ELOVL5: variants seen among roughly 807,000 people sequenced by gnomAD.
The protein encoded by ELOVL5 is ELOVL fatty acid elongase 5, also known as very long chain fatty acid elongase 5.
Under a neutral mutation model 38.6 loss-of-function variants are expected in ELOVL5, and 8 were observed. That is an observed-to-expected ratio of 0.21 (90% CI 0.12 to 0.37). The LOEUF (loss-of-function observed/expected upper bound fraction) is 0.37, where lower values mean the gene tolerates loss of function less well. ELOVL5 is among the 10% of genes least tolerant of loss of function. The pLI, the probability that ELOVL5 is intolerant of heterozygous loss-of-function variation, is 1.00. For missense variants in ELOVL5, 280 were observed against 367.8 expected (o/e 0.76, Z 1.95); for synonymous variants, 127 against 133.7 (o/e 0.95, Z 0.34).
At chr6:53,286,681 T>C (rs1766582108) in intron 3 of ELOVL5, among the ~76,000 whole-genome samples, 1 of 152,198 alleles carries the variant, frequency 6.6e-6, no homozygotes, top group Non-Finnish European at 1.5e-5. Context: ...AAAATGAATT[T>C]CTAATTAACT....
intron 1 of ELOVL5, among the ~76,000 whole-genome samples, chr6:53,334,822 C>T (rs568996351): frequency 6.6e-6 from 1 of 152,276 alleles, no homozygotes; most frequent in Non-Finnish European, 1.5e-5. Context: ...AGGAATCCAG[C>T]CCCCAAAGCA....
chr6:53,317,113 A>G (rs1270624988), intron 1 of ELOVL5, among the ~76,000 whole-genome samples: 3 of 152,214 alleles, frequency 2.0e-5, no homozygotes, highest in Admixed American at 2.0e-4. Context: ...TGCTGTCCTA[A>G]GAAAACATTA....
At chr6:53,322,828 C>T (rs1469874914) in intron 1 of ELOVL5, among the ~76,000 whole-genome samples, 1 of 152,202 alleles carries the variant, frequency 6.6e-6, no homozygotes, top group Non-Finnish European at 1.5e-5. Context: ...ACAAAGCTTG[C>T]ATCATTACAG....
intron 3 of ELOVL5, chr6:53,277,725 T>C (rs1174013120): frequency 1.3e-5 from 2 of 152,270 alleles, no homozygotes; most frequent in African/African-American, 2.4e-5. Context: ...GCAGGATCCA[T>C]GCAGGCTGAT....
intron 1 of ELOVL5, among the ~76,000 whole-genome samples, chr6:53,301,266 C>T (rs960868258): frequency 6.6e-6 from 1 of 152,164 alleles, no homozygotes; most frequent in Non-Finnish European, 1.5e-5. Context: ...CATAACTTCT[C>T]AATAACCCGA....
chr6:53,299,103 T>C (rs955898175), intron 1 of ELOVL5, among the ~76,000 whole-genome samples: 3 of 152,094 alleles, frequency 2.0e-5, no homozygotes, highest in African/African-American at 4.8e-5. Context: ...GAGACATTCA[T>C]AATGGGGAAA....
At chr6:53,287,906 A>T in intron 3 of ELOVL5, 1 of 1,535,716 alleles carries the variant, frequency 6.5e-7, no homozygotes, top group African/African-American at 1.4e-5. Context: ...TCAGTTCGTG[A>T]GGCACAGGCA....
At chr6:53,314,222 T>A (rs1377294895) in intron 1 of ELOVL5, among the ~76,000 whole-genome samples, 1 of 152,220 alleles carries the variant, frequency 6.6e-6, no homozygotes, top group African/African-American at 2.4e-5. Context: ...CTGGCTAATA[T>A]GATTTTTCCT....
chr6:53,295,205 C>G (rs973025624), intron 2 of ELOVL5, among the ~76,000 whole-genome samples: 1 of 152,098 alleles, frequency 6.6e-6, no homozygotes, highest in Non-Finnish European at 1.5e-5. Context: ...CTAAAAGATA[C>G]AGCAAGTAAG....
At chr6:53,295,745 C>A in intron 1 of ELOVL5, 38 bp from the exon 2 acceptor site, 3 of 1,296,016 alleles carry the variant, frequency 2.3e-6, no homozygotes, top group East Asian at 2.5e-5. Context: ...AATCTCTACT[C>A]AAAATGTTTT....
intron 3 of ELOVL5, chr6:53,277,072 T>C (rs1395455093): frequency 6.7e-6 from 1 of 148,368 alleles, no homozygotes; most frequent in East Asian, 2.1e-4. Context: ...TGATGTAGAG[T>C]CTGCACCCCA....
chr6:53,289,376 G>T (rs1766688802), intron 3 of ELOVL5, among the ~76,000 whole-genome samples: 1 of 152,162 alleles, frequency 6.6e-6, no homozygotes, highest in Non-Finnish European at 1.5e-5. Flanking sequence ...AAAACTCCAT[G>T]ACTGCTCTTC....
rs528326128 is a variant in ELOVL5, at chr6:53,320,334, ATTTCTTTTT to A, written c.-8-24636_-8-24628del. Among the ~76,000 whole-genome samples the A allele has an allele frequency of 1.5e-4, 23 of 150,846 alleles. No homozygotes were observed. The South Asian group carries it at 4.2e-3, about 28-fold the overall frequency. ...TGTCTCAAAAACAAAACAACCCCAC[ATTTCTTTTT>A]TTTCTTTTTTTGAGACATAGTTGCG... is the stretch of plus-strand genomic sequence containing the variant. On this transcript the variant is annotated intron_variant, in intron 1 of 7. Transcript: ENST00000304434.
rs960587919 is a variant in ELOVL5 at position 53,268,007 on chromosome 6, G to A, written c.*1120C>T. The A allele has an allele frequency of 2.0e-5, 3 of 152,172 alleles. No homozygotes were observed. The highest frequency in any genetic ancestry group is 7.2e-5 in the African/African-American group (3 of 41,440). The allele number at this position is 152,172 out of a possible 1,614,324, so 9.4% of individuals were successfully genotyped here. On this transcript the variant is annotated 3_prime_UTR_variant, in exon 8 of 8. Transcript: ENST00000304434. Reference sequence around the variant, plus strand: ...GTACTATTAGATTTACATTAAACAAGTTACCTCTATCAAATTTCTCGATTC... The same window carrying A: ...GTACTATTAGATTTACATTAAACAAATTACCTCTATCAAATTTCTCGATTC...
chr6:53,276,698 G>C (rs972160866), intron 3 of ELOVL5, among the ~76,000 whole-genome samples: 11 of 152,048 alleles, frequency 7.2e-5, no homozygotes, highest in Non-Finnish European at 1.0e-4. Flanking sequence ...TGGGTCCCTG[G>C]GGGTGTTTCT....
At chr6:53,347,229 G>C (rs553846064) in intron 1 of ELOVL5, among the ~76,000 whole-genome samples, 1 of 141,252 alleles carries the variant, frequency 7.1e-6, no homozygotes, top group African/African-American at 2.8e-5. Context: ...AATGCAAAAA[G>C]AGAAACAGTA....
chr6:53,315,059 G>A (rs1767976236), intron 1 of ELOVL5, among the ~76,000 whole-genome samples: 1 of 152,226 alleles, frequency 6.6e-6, no homozygotes, highest in South Asian at 2.1e-4. Flanking sequence ...CTGCTATAAA[G>A]AAAATAGCAC....
intron 1 of ELOVL5, among the ~76,000 whole-genome samples, chr6:53,306,524 A>AT (rs1456538264): frequency 6.6e-6 from 1 of 152,004 alleles, no homozygotes; most frequent in African/African-American, 2.4e-5. Flanking sequence ...GATATAGAAC[A>AT]TTTTTTCAGC....
At chr6:53,330,825 T>C (rs1195307153) in intron 1 of ELOVL5, among the ~76,000 whole-genome samples, 1 of 152,176 alleles carries the variant, frequency 6.6e-6, no homozygotes, top group Non-Finnish European at 1.5e-5. Flanking sequence ...TAAAACTTTT[T>C]TTTTCCTTAA....
Sources: allele counts gnomAD v4.1 joint callset (sites outside exome capture counted in the v4.1 genomes callset), GRCh38; gene constraint gnomAD v4.1.1; transcripts MANE v1.5; gene names NCBI Gene and HGNC (gene_info 2026-07-23, HGNC 2026-07-21).